OPCML: variants seen among roughly 807,000 people sequenced by gnomAD.
The protein encoded by OPCML is opioid binding protein/cell adhesion molecule like.
Under a neutral mutation model 37.8 loss-of-function variants are expected in OPCML, and 13 were observed. The ratio of observed to expected loss-of-function variants is 0.34; its 90% confidence interval spans 0.22 to 0.55. The LOEUF (loss-of-function observed/expected upper bound fraction) is 0.55. Among genes scored for constraint, OPCML ranks in the 20% least tolerant of loss-of-function variants. The pLI, the probability that OPCML is intolerant of heterozygous loss-of-function variation, is 0.91. For missense variants in OPCML, 341 were observed against 435.6 expected (o/e 0.78, Z 1.93); for synonymous variants, 176 against 168.8 (o/e 1.04, Z -0.33).
intron 2 of OPCML, among the ~76,000 whole-genome samples, chr11:132,928,930 CCAAAAGTT>C (rs2136620808): frequency 6.6e-6 from 1 of 150,940 alleles, no homozygotes; most frequent in African/African-American, 2.4e-5. Flanking sequence ...ACACAACATA[CCAAAAGTT>C]ATAGGATGCA....
intron 2 of OPCML, among the ~76,000 whole-genome samples, chr11:132,924,837 A>G (rs962351524): frequency 3.3e-5 from 5 of 152,014 alleles, no homozygotes; most frequent in African/African-American, 1.2e-4. Context: ...ATTCTCAGTC[A>G]CTATTTCTAT....
chr11:133,169,233 C>T (rs1024654745), intron 1 of OPCML, among the ~76,000 whole-genome samples: 1 of 152,162 alleles, frequency 6.6e-6, no homozygotes, highest in Non-Finnish European at 1.5e-5. Flanking sequence ...TTCCCAATAT[C>T]GTACAGCTGG....
At chr11:132,891,608 A>G (rs1166666651) in intron 2 of OPCML, among the ~76,000 whole-genome samples, 3 of 152,216 alleles carry the variant, frequency 2.0e-5, no homozygotes, top group Admixed American at 2.0e-4. Flanking sequence ...ACGCCATGAG[A>G]GCAAGGCTTT....
chr11:133,002,940 T>G (rs1361278016), intron 1 of OPCML, among the ~76,000 whole-genome samples: 1 of 152,154 alleles, frequency 6.6e-6, no homozygotes, highest in African/African-American at 2.4e-5. Flanking sequence ...GGAATTGTAG[T>G]TCTCTTTTTC....
intron 1 of OPCML, among the ~76,000 whole-genome samples, chr11:133,257,633 G>A (rs528768450): frequency 6.6e-6 from 1 of 152,178 alleles, no homozygotes; most frequent in Admixed American, 6.5e-5. Context: ...GAACTCAGGT[G>A]TCTAATTCTC....
At chr11:133,320,955 C>T (rs1592198868) in intron 1 of OPCML, among the ~76,000 whole-genome samples, 2 of 152,132 alleles carry the variant, frequency 1.3e-5, no homozygotes, top group Admixed American at 1.3e-4. Flanking sequence ...TTGGCTAAGG[C>T]AGAAAACAGA....
At chr11:132,722,473 T>C (rs1023009730) in intron 2 of OPCML, among the ~76,000 whole-genome samples, 14 of 152,054 alleles carry the variant, frequency 9.2e-5, no homozygotes, top group African/African-American at 3.1e-4. Flanking sequence ...CAGCTAGCAC[T>C]CTCCTTTTTC....
intron 1 of OPCML, among the ~76,000 whole-genome samples, chr11:133,040,272 C>T (rs1422658335): frequency 1.3e-5 from 2 of 152,146 alleles, no homozygotes; most frequent in Non-Finnish European, 2.9e-5. Context: ...CACGACTGAG[C>T]TATTCCAGTT....
chr11:133,062,180 G>A (rs1029310299), intron 1 of OPCML, among the ~76,000 whole-genome samples: 12 of 152,182 alleles, frequency 7.9e-5, no homozygotes, highest in South Asian at 2.1e-4. Context: ...CACAGGAGCA[G>A]CTTGCATCAG....
chr11:132,673,373 G>A (rs989696585), intron 2 of OPCML, among the ~76,000 whole-genome samples: 5 of 152,074 alleles, frequency 3.3e-5, no homozygotes, highest in Non-Finnish European at 5.9e-5. Context: ...TGGGCCATTG[G>A]GGCATCAGAC....
chr11:133,126,081 AC>A (rs1949509964), intron 1 of OPCML, among the ~76,000 whole-genome samples: 3 of 151,214 alleles, frequency 2.0e-5, no homozygotes, highest in Non-Finnish European at 4.4e-5. Context: ...ACACACACAC[AC>A]ACACACACAC....
rs199571879 is a variant in OPCML, at chr11:132,700,034, A to AT, written c.147-42716dup. Among the ~76,000 whole-genome samples, 507 of 151,784 alleles carry AT rather than the reference A, an allele frequency of 3.3e-3. 7 individuals carry two copies. The East Asian group carries it at 0.054, about 16-fold the overall frequency. On this transcript the variant is annotated intron_variant, in intron 2 of 7. Transcript: ENST00000524381. ...CAATCCTTGTAATTGGCCTATTCAG[A>AT]TTTTCTATTTCTTCATGATTCATTC...
At chr11:132,598,382 T>C (rs535082858) in intron 3 of OPCML, among the ~76,000 whole-genome samples, 1 of 152,308 alleles carries the variant, frequency 6.6e-6, no homozygotes, top group Non-Finnish European at 1.5e-5. Context: ...ACTCAATGAA[T>C]TTTTTTAAGT....
chr11:132,779,989 C>G (rs1946946539), intron 2 of OPCML, among the ~76,000 whole-genome samples: 1 of 152,110 alleles, frequency 6.6e-6, no homozygotes, highest in African/African-American at 2.4e-5. Flanking sequence ...GGAGCTGCTG[C>G]TCTGATTCTG....
chr11:132,599,382 GAAGAAGGAGGA>G (rs1414868575), intron 3 of OPCML, among the ~76,000 whole-genome samples: 1 of 92,336 alleles, frequency 1.1e-5, no homozygotes, highest in Non-Finnish European at 2.0e-5. Context: ...GAAGAAGGAG[GAAGAAGGAGGA>G]AGAAGGAGGA....
intron 2 of OPCML, among the ~76,000 whole-genome samples, chr11:132,801,488 T>C (rs995504069): frequency 3.9e-5 from 6 of 152,154 alleles, no homozygotes; most frequent in Admixed American, 6.5e-5. Flanking sequence ...CACACCAGAA[T>C]GAGATGGAAC....
intron 1 of OPCML, among the ~76,000 whole-genome samples, chr11:133,499,887 T>G (rs1947875047): frequency 6.9e-6 from 1 of 145,320 alleles, no homozygotes; most frequent in South Asian, 2.1e-4. Flanking sequence ...TTTTTTTTTT[T>G]TTGAAAGGGA....
chr11:133,175,071 G>A (rs1014940459), intron 1 of OPCML, among the ~76,000 whole-genome samples: 3 of 152,174 alleles, frequency 2.0e-5, no homozygotes, highest in East Asian at 3.8e-4. Flanking sequence ...GCCCCTGCAC[G>A]CCTTGTTAAT....
intron 1 of OPCML, among the ~76,000 whole-genome samples, chr11:132,993,025 T>A (rs1946809912): frequency 6.6e-6 from 1 of 152,172 alleles, no homozygotes; most frequent in South Asian, 2.1e-4. Context: ...GTTAGGAGTT[T>A]GTGCCGCAGT....
Sources: allele counts gnomAD v4.1 joint callset (sites outside exome capture counted in the v4.1 genomes callset), GRCh38; gene constraint gnomAD v4.1.1; transcripts MANE v1.5; gene names NCBI Gene and HGNC (gene_info 2026-07-23, HGNC 2026-07-21).